The following ASPSCR1 variants were observed in gnomAD, a reference collection of about 807,000 sequenced individuals.
ASPSCR1 encodes the protein ASPSCR1 tether for SLC2A4, UBX domain containing, also known as tether containing UBX domain for GLUT4.
Under a neutral mutation model 68.9 loss-of-function variants are expected in ASPSCR1, and 55 were observed. That is an observed-to-expected ratio of 0.80 (90% CI 0.64 to 1.00). The LOEUF is 1.00. Among genes scored for constraint, ASPSCR1 ranks in the 50% least tolerant of loss-of-function variants. The pLI is 0.00. For synonymous variants in ASPSCR1, 352 were observed against 332.6 expected (o/e 1.06, Z -0.63); for missense variants, 765 against 762.2 (o/e 1.00, Z -0.04).
At chr17:82,012,366 G>T in intron 12 of ASPSCR1, 83 bp downstream of exon 12, 1 of 1,484,688 alleles carries the variant, frequency 6.7e-7, no homozygotes, top group Non-Finnish European at 9.3e-7. Context: ...CGGGCAGGAA[G>T]GAGGGGCCTG....
At position 81,987,613 on chromosome 17, in the gene ASPSCR1, A is replaced by G. The variant is rs2144017602; in HGVS notation, c.374+2006A>G. Among the ~76,000 whole-genome samples the G allele has an allele frequency of 6.6e-6, 1 of 152,112 alleles. No homozygotes were observed. The highest frequency in any genetic ancestry group is 1.9e-4 in the East Asian group (1 of 5,176). On this transcript the variant is annotated intron_variant, in intron 4 of 15. Coordinates refer to ENST00000306739, the MANE Select transcript of ASPSCR1 (RefSeq NM_024083.4). The surrounding 1 kb of genome is among the most constrained non-coding windows in gnomAD (Gnocchi z 5.6). Reference sequence around the variant, plus strand: ...GGGGAGGGGCCGAGGGTGTCTGGAGAGGTGGGGCCGGCATTGTGGTAGCAT... The same window carrying G: ...GGGGAGGGGCCGAGGGTGTCTGGAGGGGTGGGGCCGGCATTGTGGTAGCAT...
intron 12 of ASPSCR1, chr17:82,014,726 C>A (rs930917505): frequency 6.4e-5 from 23 of 358,076 alleles, no homozygotes; most frequent in Middle Eastern, 9.0e-4. Flanking sequence ...TGCATGCAGC[C>A]CCTACAGAGT....
intron 5 of ASPSCR1, chr17:81,995,616 G>A: frequency 2.3e-6 from 1 of 426,904 alleles, no homozygotes; most frequent in Non-Finnish European, 4.3e-6. Flanking sequence ...TGAGCACCAG[G>A]AATGGCCACC....
chr17:82,016,689 C>A (rs944595952), intron 13 of ASPSCR1, 111 bp from the exon 14 acceptor site: 1 of 1,451,020 alleles, frequency 6.9e-7, no homozygotes, highest in Non-Finnish European at 9.4e-7. Flanking sequence ...ACTGGGACAG[C>A]CACCTGCTGG....
At chr17:82,003,854 G>C (rs768704797) in intron 7 of ASPSCR1, among the ~76,000 whole-genome samples, 4 of 152,238 alleles carry the variant, frequency 2.6e-5, no homozygotes, top group African/African-American at 9.6e-5. Flanking sequence ...GAGGGTGGCC[G>C]GGGCGCTGAG....
chr17:81,993,541 G>A (rs2042240779), intron 4 of ASPSCR1, among the ~76,000 whole-genome samples: 1 of 152,222 alleles, frequency 6.6e-6, no homozygotes, highest in East Asian at 1.9e-4. Context: ...TAGGTCAGCA[G>A]ATCCCAGGGT....
chr17:82,015,132 C>T, intron 12 of ASPSCR1: 1 of 1,598,286 alleles, frequency 6.3e-7, no homozygotes, highest in South Asian at 1.1e-5. Context: ...GAAACGGTGC[C>T]TGGGACCAGA....
intron 7 of ASPSCR1, among the ~76,000 whole-genome samples, chr17:82,000,472 G>T (rs1387109221): frequency 6.6e-6 from 1 of 152,224 alleles, no homozygotes; most frequent in Non-Finnish European, 1.5e-5. Context: ...CGCACACGCA[G>T]AGGGCCCGGG....
chr17:81,982,942 T>C (rs972213679), intron 2 of ASPSCR1, among the ~76,000 whole-genome samples: 8 of 152,160 alleles, frequency 5.3e-5, no homozygotes, highest in African/African-American at 1.9e-4. Flanking sequence ...GCCTCCCGAG[T>C]AGCTGGGACT....
chr17:82,008,990 G>A (rs2144085163), intron 7 of ASPSCR1, 47 bp from the exon 8 acceptor site: 2 of 1,445,262 alleles, frequency 1.4e-6, no homozygotes, highest in South Asian at 1.4e-5. Context: ...GGGGTGCGGA[G>A]GGCCCAGCCC....
intron 10 of ASPSCR1, 41 bp downstream of exon 10, chr17:82,010,909 G>A (rs781715032): frequency 1.2e-5 from 19 of 1,594,304 alleles, no homozygotes; most frequent in East Asian, 1.1e-4. Context: ...GGGGGCAGGG[G>A]CCCATGGGGC....
In ASPSCR1 at chr17:82,016,493, C is replaced by T. The variant is rs369843263; in HGVS notation, c.1371C>T (p.Ala457=). 239 of 1,548,830 alleles carry T rather than the reference C, an allele frequency of 1.5e-4. No individual in the cohort carries two copies. Among genetic ancestry groups the T allele is most frequent in the Middle Eastern group, 4.3e-4 (2 of 4,618 alleles). The change falls in exon 13 of 16, where the codon GCC becomes GCT. Residue 457 remains alanine, a synonymous_variant. Transcript: ENST00000306739. ...QTLFQANLFP[A]ALVHLGAEEP... ...CCCTGCAGGCGAACCTCTTCCCGGC[C>T]GCTCTGGTGCACTTGGGAGCCGAGG... is the stretch of plus-strand genomic sequence containing the variant.
intron 4 of ASPSCR1, 104 bp downstream of exon 4, chr17:81,985,711 C>G: frequency 3.5e-6 from 4 of 1,158,998 alleles, no homozygotes; most frequent in Non-Finnish European, 3.7e-6. Context: ...TCTGTGCTGG[C>G]CTGTGGTGCC....
At chr17:82,014,593 C>T (rs890085216) in intron 12 of ASPSCR1, 2 of 169,256 alleles carry the variant, frequency 1.2e-5, no homozygotes, top group African/African-American at 4.8e-5. Context: ...GCCTCCCTCC[C>T]AGGCGCTGTG....
At chr17:82,016,770 G>A (rs749426350) in intron 13 of ASPSCR1, 30 bp from the exon 14 acceptor site, 1 of 1,601,498 alleles carries the variant, frequency 6.2e-7, no homozygotes, top group South Asian at 1.1e-5. Flanking sequence ...CCTCCTCAGA[G>A]GCTCAGGGTG....
rs1055316327 is a variant in ASPSCR1 at position 82,008,810 on chromosome 17, A to AG, written c.934-221dup. 129 of 494,274 alleles carry AG rather than the reference A, an allele frequency of 2.6e-4. No homozygotes were observed. The East Asian group carries it at 4.4e-3, about 17-fold the overall frequency. The allele number at this position is 494,274 out of a possible 1,614,324, so 30.6% of individuals were successfully genotyped here. ...TCAGGTCTGGTGCACTGACTGGGAGAGGGGGGTCTCCAGCCCTGGACAGGC... is the reference window on the plus strand; with the variant it reads ...TCAGGTCTGGTGCACTGACTGGGAGAGGGGGGGTCTCCAGCCCTGGACAGGC... On this transcript the variant is annotated intron_variant, in intron 7 of 15. Transcript: ENST00000306739.
chr17:82,000,301 C>T (rs1340690827), intron 7 of ASPSCR1, among the ~76,000 whole-genome samples: 4 of 152,206 alleles, frequency 2.6e-5, no homozygotes, highest in African/African-American at 7.2e-5. Context: ...GCTCGCCCGT[C>T]GGGAGGCGCT....
intron 12 of ASPSCR1, chr17:82,015,166 TA>T (rs1349243402): frequency 5.6e-6 from 9 of 1,598,228 alleles, no homozygotes; most frequent in Non-Finnish European, 7.6e-6. Flanking sequence ...TTGCCAGTGG[TA>T]GGAGATGGAG....
chr17:82,016,502 G>A lies in ASPSCR1; in HGVS notation c.1380G>A (p.Val460=). The A allele has an allele frequency of 6.5e-7, 1 of 1,549,192 alleles. No individual in the cohort carries two copies. Among genetic ancestry groups the A allele is most frequent in the Non-Finnish European group, 8.7e-7 (1 of 1,147,146 alleles). The change falls in exon 13 of 16, where the codon GTG becomes GTA. Residue 460 remains valine (V), a synonymous_variant. Transcript: ENST00000306739. ...FQANLFPAAL[V]HLGAEEPAGV... ...CGAACCTCTTCCCGGCCGCTCTGGT[G>A]CACTTGGGAGCCGAGGAGCCGGCAG...
Sources: allele counts gnomAD v4.1 joint callset (sites outside exome capture counted in the v4.1 genomes callset), GRCh38; gene constraint gnomAD v4.1.1; non-coding constraint Gnocchi (gnomAD v3.1); transcripts MANE v1.5; gene names NCBI Gene and HGNC (gene_info 2026-07-23, HGNC 2026-07-21).